Variants in GALNT18 observed in about 807,000 individuals in gnomAD.
GALNT18 encodes the protein GalNAc-transferase 18.
GALNT18 carries 44 observed loss-of-function variants against 69.5 expected under a neutral mutation model. The ratio of observed to expected loss-of-function variants is 0.63; its 90% confidence interval spans 0.50 to 0.81. The LOEUF (loss-of-function observed/expected upper bound fraction) is 0.81. Ranked by LOEUF, GALNT18 falls within the 40% of genes least tolerant of loss-of-function variation. GALNT18 has a pLI of 0.00. For synonymous variants in GALNT18, 364 were observed against 318.2 expected (o/e 1.14, Z -1.53); for missense variants, 715 against 810.0 (o/e 0.88, Z 1.42).
chr11:11,442,325 T>G (rs1855547388), intron 2 of GALNT18, among the ~76,000 whole-genome samples: 1 of 152,176 alleles, frequency 6.6e-6, no homozygotes. Context: ...CTTCCTTAGT[T>G]TAAAGCCATC....
intron 10 of GALNT18, among the ~76,000 whole-genome samples, chr11:11,279,600 G>A (rs1490059889): frequency 1.1e-4 from 3 of 27,572 alleles, no homozygotes; most frequent in East Asian, 1.4e-3. Flanking sequence ...AGCTATACTC[G>A]ATAAATCTCA....
At chr11:11,284,159 G>A (rs1788871037) in intron 10 of GALNT18, among the ~76,000 whole-genome samples, 1 of 152,184 alleles carries the variant, frequency 6.6e-6, no homozygotes, top group Admixed American at 6.5e-5. Context: ...GCGTAGACTG[G>A]GGCGTGTGGA....
intron 1 of GALNT18, among the ~76,000 whole-genome samples, chr11:11,608,304 T>C (rs1324195494): frequency 6.6e-6 from 1 of 152,154 alleles, no homozygotes; most frequent in Non-Finnish European, 1.5e-5. Flanking sequence ...GGGAACTTGT[T>C]GTCCCCGGTA....
chr11:11,298,962 C>A (rs1849447231), intron 9 of GALNT18, among the ~76,000 whole-genome samples: 1 of 152,138 alleles, frequency 6.6e-6, no homozygotes, highest in South Asian at 2.1e-4. Context: ...CCTCCAACCT[C>A]CACCAGGCCC....
intron 6 of GALNT18, among the ~76,000 whole-genome samples, chr11:11,370,255 G>A (rs1301595690): frequency 2.0e-5 from 3 of 152,176 alleles, no homozygotes; most frequent in Non-Finnish European, 2.9e-5. Context: ...AGAGAAGGGT[G>A]AAAAGTGATC....
intron 10 of GALNT18, among the ~76,000 whole-genome samples, chr11:11,283,500 C>A (rs764016145): frequency 4.6e-5 from 7 of 152,182 alleles, no homozygotes; most frequent in Non-Finnish European, 8.8e-5. Context: ...CCAGGTCACT[C>A]TGGGTGGTGC....
At position 11,387,843 on chromosome 11, in the gene GALNT18, C is replaced by T. The variant is rs1466797338; in HGVS notation, c.596-8579G>A. On this transcript the variant is annotated intron_variant, in intron 3 of 10. Transcript: ENST00000227756. This position sits in a 1 kb window ranked among gnomAD's most constrained non-coding sequence, Gnocchi z 4.6. ...AGCCTGGCTTGGGCAGCTGGGATCC[C>T]GGAGAGCTCCGGGCAGCATTGCTGC... Among the ~76,000 whole-genome samples the T allele has an allele frequency of 1.3e-5, 2 of 152,192 alleles. No individual in the cohort carries two copies. The highest frequency in any genetic ancestry group is 2.9e-5 in the Non-Finnish European group (2 of 68,042).
chr11:11,407,724 A>C (rs2133750259), intron 3 of GALNT18, among the ~76,000 whole-genome samples: 1 of 152,306 alleles, frequency 6.6e-6, no homozygotes, highest in Middle Eastern at 3.4e-3. Flanking sequence ...AATAAACCTA[A>C]AAGGAGGGCA....
intron 1 of GALNT18, among the ~76,000 whole-genome samples, chr11:11,585,450 G>A (rs907657469): frequency 2.6e-5 from 4 of 151,386 alleles, no homozygotes; most frequent in Non-Finnish European, 5.9e-5. Flanking sequence ...CTGTCTCCCA[G>A]GTTCAAACGA....
intron 1 of GALNT18, among the ~76,000 whole-genome samples, chr11:11,521,871 C>T (rs1425296213): frequency 2.0e-5 from 3 of 152,206 alleles, no homozygotes; most frequent in Non-Finnish European, 1.5e-5. Flanking sequence ...TGGGTGGCTG[C>T]ACCTGTTCCT....
chr11:11,430,466 A>G lies in GALNT18; in HGVS notation c.595+2155T>C, dbSNP rs1003026068. Among the ~76,000 whole-genome samples, 2 of 152,238 alleles carry G rather than the reference A, an allele frequency of 1.3e-5. No individual in the cohort carries two copies. Among genetic ancestry groups the G allele is most frequent in the African/African-American group, 4.8e-5 (2 of 41,456 alleles). ...GCTCGATGCAGTTGTGATGACAAGT[A>G]CAGCTTTGTGTAACCAACACCACAA... is the stretch of plus-strand genomic sequence containing the variant. On this transcript the variant is annotated intron_variant, in intron 3 of 10. Coordinates refer to ENST00000227756, the MANE Select transcript of GALNT18 (RefSeq NM_198516.3). The surrounding 1 kb of genome is among the most constrained non-coding windows in gnomAD (Gnocchi z 4.9).
chr11:11,397,609 G>A (rs1251141884), intron 3 of GALNT18, among the ~76,000 whole-genome samples: 4 of 151,938 alleles, frequency 2.6e-5, no homozygotes, highest in East Asian at 1.9e-4. Context: ...GACTACAGCC[G>A]CCCACCTGCC....
intron 10 of GALNT18, among the ~76,000 whole-genome samples, chr11:11,289,230 A>C (rs1849253627): frequency 6.6e-6 from 1 of 150,392 alleles, no homozygotes; most frequent in Non-Finnish European, 1.5e-5. Flanking sequence ...GCAGTAAGCA[A>C]AACTTCCACA....
At chr11:11,452,289 C>T (rs1010720029) in intron 1 of GALNT18, among the ~76,000 whole-genome samples, 1 of 152,228 alleles carries the variant, frequency 6.6e-6, no homozygotes, top group South Asian at 2.1e-4. Flanking sequence ...GTCCACCTCA[C>T]CCTGAGCCTC....
intron 1 of GALNT18, among the ~76,000 whole-genome samples, chr11:11,492,390 T>G (rs971259659): frequency 1.3e-5 from 2 of 152,192 alleles, no homozygotes; most frequent in African/African-American, 4.8e-5. Context: ...CTGAGAATGC[T>G]GCTAACACAG....
At chr11:11,289,769 G>A (rs761984684) in intron 10 of GALNT18, among the ~76,000 whole-genome samples, 1 of 152,164 alleles carries the variant, frequency 6.6e-6, no homozygotes, top group Non-Finnish European at 1.5e-5. Context: ...GCAGGTCTTG[G>A]ATGTCAAAGC....
At position 11,595,954 on chromosome 11, in the gene GALNT18, C is replaced by T. The variant is rs1369632424; in HGVS notation, c.235+25405G>A. ...TGCTTTTGATGTCATACCTAAGTGG[C>T]CTTTGCCTAATCTAAAGTCACAAAG... On this transcript the variant is annotated intron_variant, in intron 1 of 10. Transcript: ENST00000227756. This position sits in a 1 kb window ranked among gnomAD's most constrained non-coding sequence, Gnocchi z 5.2. Among the ~76,000 whole-genome samples, 1 of 151,996 alleles carries T rather than the reference C, an allele frequency of 6.6e-6. No homozygotes were observed. Among genetic ancestry groups the T allele is most frequent in the African/African-American group, 2.4e-5 (1 of 41,372 alleles).
chr11:11,436,445 A>C lies in GALNT18; in HGVS notation c.429-3658T>G, dbSNP rs1038021018. ...CAGGACCTTCCCAGTTTCAGCACTG[A>C]AAGTCCTAGGCACACCAGGTCAGGC... is the stretch of plus-strand genomic sequence containing the variant. On this transcript the variant is annotated intron_variant, in intron 2 of 10. Coordinates refer to ENST00000227756, the MANE Select transcript of GALNT18 (RefSeq NM_198516.3). This position sits in a 1 kb window ranked among gnomAD's most constrained non-coding sequence, Gnocchi z 4.5. Among the ~76,000 whole-genome samples the C allele has an allele frequency of 6.6e-6, 1 of 152,094 alleles. No individual in the cohort carries two copies. The highest frequency in any genetic ancestry group is 2.4e-5 in the African/African-American group (1 of 41,420).
intron 1 of GALNT18, among the ~76,000 whole-genome samples, chr11:11,464,024 C>A (rs1189702231): frequency 5.9e-5 from 9 of 152,120 alleles, no homozygotes; most frequent in Non-Finnish European, 1.2e-4. Context: ...GGCCTGCAGC[C>A]AGACAAAATA....
Sources: allele counts gnomAD v4.1 joint callset (sites outside exome capture counted in the v4.1 genomes callset), GRCh38; gene constraint gnomAD v4.1.1; non-coding constraint Gnocchi (gnomAD v3.1); transcripts MANE v1.5; gene names NCBI Gene and HGNC (gene_info 2026-07-23, HGNC 2026-07-21).